The following APCDD1L variants were observed in gnomAD, a reference collection of about 807,000 sequenced individuals.
APCDD1L encodes the protein protein APCDD1-like.
Under a neutral mutation model 24.2 loss-of-function variants are expected in APCDD1L, and 21 were observed. The ratio of observed to expected loss-of-function variants is 0.87; its 90% CI spans 0.61 to 1.25. The LOEUF is 1.25. Ranked by LOEUF, APCDD1L falls within the 50% of genes most tolerant of loss-of-function variation. The pLI is 0.00. For synonymous variants in APCDD1L, 321 were observed against 323.6 expected (o/e 0.99, Z 0.09); for missense variants, 704 against 711.7 (o/e 0.99, Z 0.12).
rs1989603731 is a variant in APCDD1L, at chr20:58,461,410, GGAC to G, written c.883_885del (p.Val295del). 6.5e-7 allele frequency: 1 copy of G among 1,546,108 alleles called. No individual in the cohort carries two copies. ...AAAGTGAAGAGCCGGGTGAGGAACA[GGAC>G]TGCTGGGCGCACCTCGCACCCCGAG... On this transcript the variant is annotated inframe_deletion, in exon 4 of 4. Transcript: ENST00000371149. The surrounding 1 kb of genome is among the most constrained non-coding windows in gnomAD (Gnocchi z 6.0).
At position 58,508,330 on chromosome 20, in the gene APCDD1L, G is replaced by C. The variant is rs2123194573; in HGVS notation, c.49+6329C>G. Among the ~76,000 whole-genome samples, 1 of 152,352 alleles carries C rather than the reference G, an allele frequency of 6.6e-6. No homozygotes were observed. Among genetic ancestry groups the C allele is most frequent in the South Asian group, 2.1e-4 (1 of 4,832 alleles). ...AGAAGAAAGAGAGGTTATCTGTGAA[G>C]TGTGTGGAGATGACTGTCACATGGG... On this transcript the variant is annotated intron_variant, in intron 1 of 3. Coordinates refer to ENST00000371149, the MANE Select transcript of APCDD1L (RefSeq NM_153360.3). This position sits in a 1 kb window ranked among gnomAD's most constrained non-coding sequence, Gnocchi z 4.0.
intron 2 of APCDD1L, among the ~76,000 whole-genome samples, chr20:58,469,358 G>C (rs1396016158): frequency 6.8e-6 from 1 of 147,416 alleles, no homozygotes. Context: ...CAGGCCTGGA[G>C]AGGGGAGATT....
At position 58,467,589 on chromosome 20, in the gene APCDD1L, T is replaced by C; in HGVS notation, c.258A>G (p.Arg86=). 6.4e-7 allele frequency: 1 copy of C among 1,560,036 alleles called. No homozygotes were observed. Among genetic ancestry groups the C allele is most frequent in the Non-Finnish European group, 8.7e-7 (1 of 1,150,542 alleles). The change falls in exon 3 of 4, where the codon CGA becomes CGG. Residue 86 remains arginine, a synonymous_variant. Transcript: ENST00000371149. This position sits in a 1 kb window ranked among gnomAD's most constrained non-coding sequence, Gnocchi z 5.9. The part of the protein sequence containing the change: ...AYTFYPSRLF[R]AHQFYYEDPF... ...GGTCCTCGTAGTAGAACTGGTGGGC[T>C]CGAAAGAGCCGGCTGGGGTAGAAGG... is the stretch of plus-strand genomic sequence containing the variant.
intron 3 of APCDD1L, among the ~76,000 whole-genome samples, chr20:58,465,136 G>C (rs1376053068): frequency 2.0e-5 from 3 of 152,184 alleles, no homozygotes; most frequent in Non-Finnish European, 4.4e-5. Context: ...TCCTAATGAG[G>C]TGGTGGTGGC....
intron 3 of APCDD1L, among the ~76,000 whole-genome samples, chr20:58,464,258 AAAGATAT>A: frequency 6.6e-6 from 1 of 152,220 alleles, no homozygotes; most frequent in East Asian, 1.9e-4. Flanking sequence ...AAGACAACCA[AAAGATAT>A]TCTCTGCAGA....
intron 1 of APCDD1L, among the ~76,000 whole-genome samples, chr20:58,476,898 C>T (rs1208779706): frequency 4.7e-5 from 7 of 149,884 alleles, no homozygotes; most frequent in East Asian, 2.0e-4. Flanking sequence ...TCCATCTTCG[C>T]GGAGATCTCG....
In APCDD1L at chr20:58,514,852, G is replaced by A; in HGVS notation, c.-145C>T. 3 of 543,910 alleles carry A rather than the reference G, an allele frequency of 5.5e-6. No homozygotes were observed. Among genetic ancestry groups the A allele is most frequent in the Non-Finnish European group, 8.4e-6 (3 of 356,418 alleles). 33.7% of individuals were successfully genotyped at this position (543,910 alleles called of 1,614,324 possible). On this transcript the variant is annotated 5_prime_UTR_variant, in exon 1 of 4. Coordinates refer to ENST00000371149, the MANE Select transcript of APCDD1L (RefSeq NM_153360.3). Reference sequence around the variant, plus strand: ...GTTGCGAGGGTCCTGCGCCCCCCTCGGCGCTCACACGCGCTCAGCCTTCCC... The same window carrying A: ...GTTGCGAGGGTCCTGCGCCCCCCTCAGCGCTCACACGCGCTCAGCCTTCCC...
In APCDD1L at chr20:58,460,660, G is replaced by A; in HGVS notation, c.*130C>T. On this transcript the variant is annotated 3_prime_UTR_variant, in exon 4 of 4. Coordinates refer to ENST00000371149, the MANE Select transcript of APCDD1L (RefSeq NM_153360.3). This position sits in a 1 kb window ranked among gnomAD's most constrained non-coding sequence, Gnocchi z 4.2. ...GCCACATGGGACACAGGCAGAGTTT[G>A]GAAGCAGTGGGGCTGTGCATCCATC... The A allele has an allele frequency of 8.4e-7, 1 of 1,196,196 alleles. No individual in the cohort carries two copies. The highest frequency in any genetic ancestry group is 1.1e-6 in the Non-Finnish European group (1 of 894,368). 74.1% of individuals were successfully genotyped at this position (1,196,196 alleles called of 1,614,324 possible). A position where few individuals can be genotyped will look rare whatever the true frequency, so the allele number is the denominator to read the frequency against.
At chr20:58,469,056 G>T (rs1989767231) in intron 2 of APCDD1L, among the ~76,000 whole-genome samples, 1 of 152,086 alleles carries the variant, frequency 6.6e-6, no homozygotes, top group Admixed American at 6.5e-5. Flanking sequence ...CTTCGGGTTG[G>T]CAACAGATCT....
Position 58,514,735 on chromosome 20 carries a change from C to G in APCDD1L, c.-28G>C. ...CGTCGGGGCTGGCAGGACCGCCCGCCGGGCGCTGCCACGGTGCGCAAGGGG... is the reference window on the plus strand; with the variant it reads ...CGTCGGGGCTGGCAGGACCGCCCGCGGGGCGCTGCCACGGTGCGCAAGGGG... On this transcript the variant is annotated 5_prime_UTR_variant, in exon 1 of 4. Transcript: ENST00000371149. The G allele has an allele frequency of 7.7e-7, 1 of 1,291,286 alleles. No individual in the cohort carries two copies. The highest frequency in any genetic ancestry group is 2.9e-5 in the East Asian group (1 of 34,862). 80.0% of individuals were successfully genotyped at this position (1,291,286 alleles called of 1,614,324 possible).
chr20:58,488,370 T>TCACA (rs1212671151), intron 1 of APCDD1L, among the ~76,000 whole-genome samples: 1 of 152,022 alleles, frequency 6.6e-6, no homozygotes, highest in Non-Finnish European at 1.5e-5. Context: ...ACACACACAC[T>TCACA]CACACACACA....
At chr20:58,496,759 C>T (rs1364835490) in intron 1 of APCDD1L, among the ~76,000 whole-genome samples, 3 of 152,148 alleles carry the variant, frequency 2.0e-5, no homozygotes, top group African/African-American at 4.8e-5. Flanking sequence ...TGGGGTGTTA[C>T]AGGCAGAAGC....
chr20:58,465,008 G>A (rs1234316745), intron 3 of APCDD1L, among the ~76,000 whole-genome samples: 3 of 152,098 alleles, frequency 2.0e-5, no homozygotes, highest in Admixed American at 1.3e-4. Context: ...CAGGTTGGCC[G>A]GGCAGCAGGG....
intron 1 of APCDD1L, among the ~76,000 whole-genome samples, chr20:58,495,669 G>T (rs546695396): frequency 7.2e-4 from 110 of 152,290 alleles, no homozygotes; most frequent in African/African-American, 2.4e-3. Context: ...TCTGTCGCGG[G>T]GTCAGAGACA....
Position 58,461,572 on chromosome 20 carries a change from G to C in APCDD1L, c.742-18C>G. 1 of 1,413,596 alleles carries C rather than the reference G, an allele frequency of 7.1e-7. No individual in the cohort carries two copies. The highest frequency in any genetic ancestry group is 9.3e-7 in the Non-Finnish European group (1 of 1,077,586). 87.6% of individuals were successfully genotyped at this position (1,413,596 alleles called of 1,614,324 possible). ...ACGTGGTGCTGGCAAAAGACAAACAGAAAAACGGTGGTTGTCCCACATAGA... is the reference window on the plus strand; with the variant it reads ...ACGTGGTGCTGGCAAAAGACAAACACAAAAACGGTGGTTGTCCCACATAGA... On this transcript the variant is annotated intron_variant, in intron 3 of 3. Transcript: ENST00000371149. The surrounding 1 kb of genome is among the most constrained non-coding windows in gnomAD (Gnocchi z 6.0).
intron 1 of APCDD1L, among the ~76,000 whole-genome samples, chr20:58,504,563 T>C (rs371656763): frequency 7.9e-5 from 12 of 152,302 alleles, no homozygotes; most frequent in East Asian, 3.9e-4. Flanking sequence ...GCTCCTACAG[T>C]GTTTCATAAT....
At position 58,470,719 on chromosome 20, in the gene APCDD1L, G is replaced by C. The variant is rs1233825718; in HGVS notation, c.78C>G (p.Ala26=). 6.5e-7 allele frequency: 1 copy of C among 1,542,068 alleles called. No individual in the cohort carries two copies. The highest frequency in any genetic ancestry group is 1.4e-5 in the African/African-American group (1 of 73,088). Residue 26 remains alanine, a synonymous_variant, in exon 2 of 4, where the codon GCC becomes GCG. Transcript: ENST00000371149. The part of the protein sequence containing the change: ...GAHTAPAAGE[A]GGSCLRWEPH... ...GTTCCCAGCGCAGGCAGCTGCCCCCGGCCTCCCCAGCCGCCGGTGCAGTGT... is the reference window on the plus strand; with the variant it reads ...GTTCCCAGCGCAGGCAGCTGCCCCCCGCCTCCCCAGCCGCCGGTGCAGTGT...
chr20:58,485,645 G>T (rs956694885), intron 1 of APCDD1L, among the ~76,000 whole-genome samples: 3 of 152,120 alleles, frequency 2.0e-5, no homozygotes, highest in African/African-American at 7.2e-5. Context: ...CTGTTTCCCT[G>T]GCACTCACTC....
intron 3 of APCDD1L, among the ~76,000 whole-genome samples, chr20:58,463,140 T>C (rs1392086438): frequency 5.7e-5 from 2 of 34,952 alleles, no homozygotes; most frequent in Non-Finnish European, 1.1e-4. Context: ...AGACTCCATC[T>C]CACAAAAAAA....
Sources: gnomAD v4.1 joint callset for allele counts (sites outside exome capture counted in the v4.1 genomes callset) on GRCh38, gnomAD v4.1.1 for gene constraint, Gnocchi (gnomAD v3.1) non-coding constraint, MANE v1.5 for transcripts, NCBI Gene and HGNC (gene_info 2026-07-23, HGNC 2026-07-21) for gene names.